The following BDNF variants were observed in gnomAD, a reference collection of about 807,000 sequenced individuals.
The protein encoded by BDNF is neurotrophic factor BDNF precursor form.
Under a neutral mutation model 19.5 loss-of-function variants are expected in BDNF, and 1 was observed. The observed-to-expected ratio is 0.05, with a 90% confidence interval of 0.02 to 0.24. The LOEUF is 0.24. Among genes scored for constraint, BDNF ranks in the 10% least tolerant of loss-of-function variants. BDNF has a pLI of 1.00. For synonymous variants in BDNF, 100 were observed against 121.6 expected, an observed-to-expected ratio of 0.82 and a Z score of 1.17; for missense variants, 195 against 317.6, an observed-to-expected ratio of 0.61 and a Z score of 2.93.
intron 1 of BDNF, among the ~76,000 whole-genome samples, chr11:27,718,359 C>G (rs1384632742): frequency 6.9e-6 from 1 of 144,498 alleles, no homozygotes; most frequent in East Asian, 2.2e-4. Flanking sequence ...ACACCACCCC[C>G]CCCCGCCCCT....
At chr11:27,698,001 A>G (rs1859327320) in intron 1 of BDNF, 1 of 152,142 alleles carries the variant, frequency 6.6e-6, no homozygotes, top group Non-Finnish European at 1.5e-5. Context: ...TTCCACATAC[A>G]TAATGCTTTT....
chr11:27,701,736 A>C (rs905490377), upstream of BDNF: 1 of 475,130 alleles, frequency 2.1e-6, no homozygotes, highest in Non-Finnish European at 2.7e-6. Flanking sequence ...CCAGAATCAA[A>C]ATTCAGCGCA....
Position 27,657,789 on chromosome 11 carries a change from C to A in BDNF, c.*32G>T. The A allele has an allele frequency of 1.9e-6, 3 of 1,608,906 alleles. No individual in the cohort carries two copies. The highest frequency in any genetic ancestry group is 4.5e-5 in the East Asian group (2 of 44,854). On this transcript the variant is annotated 3_prime_UTR_variant, in exon 2 of 2. Transcript: ENST00000356660. The surrounding 1 kb of genome is among the most constrained non-coding windows in gnomAD (Gnocchi z 5.0). ...ATATACAAATAGATAATTTTTGTCT[C>A]AATATAATCTAATCTATACAACATA... is the stretch of plus-strand genomic sequence containing the variant.
chr11:27,721,185 C>T (rs982128696), intron 1 of BDNF, among the ~76,000 whole-genome samples: 10 of 151,962 alleles, frequency 6.6e-5, no homozygotes, highest in Admixed American at 5.9e-4. Context: ...ACCAATATAA[C>T]ACACACCCCC....
At chr11:27,677,661 T>C (rs989958386) in intron 1 of BDNF, 2 of 152,266 alleles carry the variant, frequency 1.3e-5, no homozygotes, top group Non-Finnish European at 2.9e-5. Context: ...ATAGATGGTA[T>C]GTATTGGGGG....
intron 1 of BDNF, chr11:27,699,784 TC>T: frequency 2.8e-6 from 3 of 1,074,232 alleles, no homozygotes; most frequent in Non-Finnish European, 3.6e-6. Flanking sequence ...CCCAGCACCC[TC>T]CCCTCAGTCA....
intron 1 of BDNF, among the ~76,000 whole-genome samples, chr11:27,673,733 TAGAA>T (rs1855711846): frequency 6.6e-6 from 1 of 152,170 alleles, no homozygotes; most frequent in South Asian, 2.1e-4. Flanking sequence ...ATTTCCATTA[TAGAA>T]AGAGTATCTG....
intron 1 of BDNF, among the ~76,000 whole-genome samples, chr11:27,689,470 G>A (rs1266505582): frequency 6.6e-6 from 1 of 152,214 alleles, no homozygotes; most frequent in Admixed American, 6.5e-5. Context: ...TTATTGAAGT[G>A]TGCAATCTTG....
rs1232512174 is a variant in BDNF at position 27,655,640 on chromosome 11, G to C, written c.*2181C>G. 6.6e-6 allele frequency: 1 copy of C among 152,214 alleles called. No homozygotes were observed. The highest frequency in any genetic ancestry group is 1.9e-4 in the East Asian group (1 of 5,198). The allele number at this position is 152,214 out of a possible 1,614,324, so 9.4% of individuals were successfully genotyped here. A position where few individuals can be genotyped will look rare whatever the true frequency, so the allele number is the denominator to read the frequency against. On this transcript the variant is annotated 3_prime_UTR_variant, in exon 2 of 2. Coordinates refer to ENST00000356660, the MANE Select transcript of BDNF (RefSeq NM_001709.5). ...GTACTGTGAAAGACTAGCTCTAAATGAAAGACTGAACAAATTGAAATTCTT... is the reference window on the plus strand; with the variant it reads ...GTACTGTGAAAGACTAGCTCTAAATCAAAGACTGAACAAATTGAAATTCTT...
upstream of BDNF, chr11:27,700,561 C>T: frequency 1.0e-6 from 1 of 956,488 alleles, no homozygotes; most frequent in Non-Finnish European, 1.2e-6. Context: ...CCCCGCTCGC[C>T]CGCGCTACCG....
At chr11:27,685,018 C>A (rs4923466) in intron 1 of BDNF, among the ~76,000 whole-genome samples, 27,312 of 152,108 alleles carry the variant, frequency 0.18, 3,136 homozygotes, top group East Asian at 0.47. Flanking sequence ...AGCTGTGAAT[C>A]CGTCTGGTCC....
intron 1 of BDNF, among the ~76,000 whole-genome samples, chr11:27,696,868 C>G (rs1302364109): frequency 6.6e-6 from 1 of 152,124 alleles, no homozygotes; most frequent in African/African-American, 2.4e-5. Context: ...ATGGGAGTGC[C>G]TTTCTTCTCA....
Position 27,656,783 on chromosome 11 carries a change from T to G in BDNF, c.*1038A>C, listed in dbSNP as rs755899586. 1.0e-6 allele frequency: 1 copy of G among 985,252 alleles called. No individual in the cohort carries two copies. The highest frequency in any genetic ancestry group is 5.2e-4 in the Middle Eastern group (1 of 1,936). 61.0% of individuals were successfully genotyped at this position (985,252 alleles called of 1,614,324 possible). ...TCCTCATAAAAAATAATCTTCATTT[T>G]GGGGTTATTTTTTGTTGTTTTCTGT... On this transcript the variant is annotated 3_prime_UTR_variant, in exon 2 of 2. Transcript: ENST00000356660.
intron 1 of BDNF, chr11:27,675,583 A>G (rs1281320208): frequency 6.6e-6 from 1 of 152,198 alleles, no homozygotes; most frequent in East Asian, 1.9e-4. Context: ...TTAGCACCCA[A>G]CAGAATCCCT....
chr11:27,710,375 C>T (rs1235489673), intron 1 of BDNF, among the ~76,000 whole-genome samples: 5 of 152,200 alleles, frequency 3.3e-5, no homozygotes, highest in African/African-American at 9.6e-5. Context: ...AGTAGATATG[C>T]TACTCCCTTA....
chr11:27,674,927 A>T, intron 1 of BDNF: 1 of 886,514 alleles, frequency 1.1e-6, no homozygotes, highest in Non-Finnish European at 1.4e-6. Flanking sequence ...TTGATAAAAA[A>T]TAATAGCTAA....
At chr11:27,701,255 C>G (rs1235779238), upstream of BDNF, 1 of 1,135,236 alleles carries the variant, frequency 8.8e-7, no homozygotes, top group Non-Finnish European at 1.1e-6. Context: ...TCTAGCCGAC[C>G]AAACAGAAAA....
chr11:27,703,258 G>C (rs564695041), upstream of BDNF, among the ~76,000 whole-genome samples: 12 of 152,126 alleles, frequency 7.9e-5, no homozygotes, highest in East Asian at 2.3e-3. Context: ...TCTTTTAGTA[G>C]CACAATACAA....
At chr11:27,701,407 A>G, upstream of BDNF, 1 of 1,037,406 alleles carries the variant, frequency 9.6e-7, no homozygotes, top group Non-Finnish European at 1.2e-6. Flanking sequence ...TCGCTTAATT[A>G]AAGGGGGGAG....
Sources: gnomAD v4.1 joint callset for allele counts (sites outside exome capture counted in the v4.1 genomes callset) on GRCh38, gnomAD v4.1.1 for gene constraint, Gnocchi (gnomAD v3.1) non-coding constraint, MANE v1.5 for transcripts, NCBI Gene and HGNC (gene_info 2026-07-23, HGNC 2026-07-21) for gene names.